Variants in DENND4A observed in about 807,000 individuals in gnomAD.
The protein encoded by DENND4A is C-myc promoter-binding protein.
Under a neutral mutation model 199.3 loss-of-function variants are expected in DENND4A, and 70 were observed. The ratio of observed to expected loss-of-function variants is 0.35; its 90% CI spans 0.29 to 0.43. The LOEUF is 0.43. DENND4A is among the 20% of genes least tolerant of loss of function. The probability of loss-of-function intolerance (pLI) is 1.00; values close to 1 mark genes in which losing one functional copy is unlikely to be tolerated. For missense variants in DENND4A, 1,723 were observed against 2,255.8 expected (o/e 0.76, Z 4.78); for synonymous variants, 686 against 766.9 (o/e 0.89, Z 1.74).
In DENND4A at chr15:65,740,932, A is replaced by G. The variant is rs560111234; in HGVS notation, c.631+783T>C. On this transcript the variant is annotated intron_variant, in intron 5 of 32. Transcript: ENST00000443035. ...AGCTACAATCATACCACTGTACTCCAGCCTGAGCAACCGAATGAGACCCCG... is the reference window on the plus strand; with the variant it reads ...AGCTACAATCATACCACTGTACTCCGGCCTGAGCAACCGAATGAGACCCCG... Among the ~76,000 whole-genome samples, 7 of 152,262 alleles carry G rather than the reference A, an allele frequency of 4.6e-5. No individual in the cohort carries two copies. In the East Asian group the frequency reaches 1.3e-3, roughly 29 times the overall value.
chr15:65,744,304 G>A (rs1265891741), intron 4 of DENND4A, among the ~76,000 whole-genome samples: 1 of 152,122 alleles, frequency 6.6e-6, no homozygotes, highest in Non-Finnish European at 1.5e-5. Flanking sequence ...TGAAGATAAG[G>A]GGTTCAGTTT....
intron 23 of DENND4A, among the ~76,000 whole-genome samples, chr15:65,678,191 G>T (rs940260503): frequency 2.0e-5 from 3 of 152,150 alleles, no homozygotes; most frequent in African/African-American, 7.2e-5. Flanking sequence ...GCCTCCCGAA[G>T]TGTTGGGATT....
intron 1 of DENND4A, among the ~76,000 whole-genome samples, chr15:65,765,083 T>C (rs367886750): frequency 1.4e-4 from 21 of 152,186 alleles, no homozygotes; most frequent in African/African-American, 5.1e-4. Context: ...AAACTTTAAT[T>C]TTATTCCATG....
In DENND4A at chr15:65,706,244, A is replaced by T. The variant is rs2142244886; in HGVS notation, c.1954-20T>A. 1.4e-6 allele frequency: 2 copies of T among 1,472,320 alleles called. No individual in the cohort carries two copies. Among genetic ancestry groups the T allele is most frequent in the East Asian group, 2.7e-5 (1 of 37,480 alleles). 91.2% of individuals were successfully genotyped at this position (1,472,320 alleles called of 1,614,324 possible). On this transcript the variant is annotated intron_variant, in intron 14 of 32. Coordinates refer to ENST00000443035, the MANE Select transcript of DENND4A (RefSeq NM_001320835.1). ...ATCCACCTAAAGGAGTTTTAAAAAC[A>T]TATATTAAAAAAGCCACATTGGTTA... is the stretch of plus-strand genomic sequence containing the variant.
rs2076156122 is a variant in DENND4A at position 65,737,802 on chromosome 15, A to C, written c.945T>G (p.Leu315=). 6.3e-7 allele frequency: 1 copy of C among 1,598,520 alleles called. No individual in the cohort carries two copies. The highest frequency in any genetic ancestry group is 1.7e-5 in the Admixed American group (1 of 57,724). ...CATCAAAAAAAGGCCAGTGAGAAAGAAGACAGATGCATTTGTTAGTATGAA... is the reference window on the plus strand; with the variant it reads ...CATCAAAAAAAGGCCAGTGAGAAAGCAGACAGATGCATTTGTTAGTATGAA... ...KTIHTNKCIC[L]LSHWPFFDAF... is the part of the protein sequence containing the mutation. The change falls in exon 7 of 33, where the codon CTT becomes CTG. Residue 315 remains leucine, a synonymous_variant. Transcript: ENST00000443035.
rs371610511 is a variant in DENND4A, at chr15:65,667,829, G to A, written c.4986+96C>T. 215 of 1,490,682 alleles carry A rather than the reference G, an allele frequency of 1.4e-4. No homozygotes were observed. In the African/African-American group the frequency reaches 2.8e-3, roughly 19 times the overall value. 92.3% of individuals were successfully genotyped at this position (1,490,682 alleles called of 1,614,324 possible). A position where few individuals can be genotyped will look rare whatever the true frequency, so the allele number is the denominator to read the frequency against. On this transcript the variant is annotated intron_variant, in intron 28 of 32. Transcript: ENST00000443035. The stretch of plus-strand genomic sequence containing the variant: ...ATCATGGGATAAGAGACTCTTCTTG[G>A]CAATAATAAAGCTAATAAGACTACT...
At chr15:65,727,375 C>A (rs189315211) in intron 11 of DENND4A, among the ~76,000 whole-genome samples, 67 of 150,970 alleles carry the variant, frequency 4.4e-4, no homozygotes, top group African/African-American at 1.2e-3. Flanking sequence ...ATGGTGTGAA[C>A]CCAGGAGGCG....
intron 11 of DENND4A, among the ~76,000 whole-genome samples, chr15:65,725,403 G>A (rs1029267212): frequency 3.4e-4 from 51 of 152,220 alleles, no homozygotes; most frequent in African/African-American, 1.1e-3. Flanking sequence ...TCGGCTGGGC[G>A]CGGTGGCTCA....
At chr15:65,785,658 A>G (rs890987304) in intron 1 of DENND4A, among the ~76,000 whole-genome samples, 7 of 152,090 alleles carry the variant, frequency 4.6e-5, no homozygotes, top group Non-Finnish European at 1.0e-4. Context: ...CTTCAGATAT[A>G]TATTTAATAA....
At chr15:65,718,209 T>C (rs560396243) in intron 12 of DENND4A, among the ~76,000 whole-genome samples, 2 of 152,148 alleles carry the variant, frequency 1.3e-5, no homozygotes, top group South Asian at 2.1e-4. Context: ...AAGCTACCCG[T>C]TTATCTCACT....
chr15:65,694,705 T>C (rs923706481), intron 22 of DENND4A, among the ~76,000 whole-genome samples: 1 of 152,180 alleles, frequency 6.6e-6, no homozygotes, highest in African/African-American at 2.4e-5. Context: ...CCATGTATGG[T>C]CTTTGGCAGC....
intron 29 of DENND4A, 117 bp downstream of exon 29, chr15:65,667,332 A>C: frequency 7.9e-7 from 1 of 1,269,640 alleles, no homozygotes; most frequent in Middle Eastern, 2.5e-4. Flanking sequence ...ACGTCTCAAA[A>C]AATAAAATAA....
At chr15:65,707,740 G>A (rs1465392985) in intron 14 of DENND4A, among the ~76,000 whole-genome samples, 1 of 150,068 alleles carries the variant, frequency 6.7e-6, no homozygotes, top group Non-Finnish European at 1.5e-5. Flanking sequence ...AGGCTGGAGT[G>A]CATGGTGCAA....
At chr15:65,700,192 G>C (rs1031661753) in intron 20 of DENND4A, among the ~76,000 whole-genome samples, 3 of 151,780 alleles carry the variant, frequency 2.0e-5, no homozygotes, top group African/African-American at 4.8e-5. Context: ...ACAGAGCTAT[G>C]CTTCTTTTTT....
intron 24 of DENND4A, among the ~76,000 whole-genome samples, chr15:65,675,401 A>G (rs2076342944): frequency 1.3e-5 from 2 of 152,182 alleles, no homozygotes; most frequent in African/African-American, 4.8e-5. Context: ...CTCACAATCC[A>G]GAAGCAATAA....
chr15:65,664,036 C>T (rs2075960715), intron 32 of DENND4A, among the ~76,000 whole-genome samples: 1 of 152,162 alleles, frequency 6.6e-6, no homozygotes, highest in Non-Finnish European at 1.5e-5. Flanking sequence ...ATATACCATA[C>T]AATTCACTAA....
chr15:65,769,618 C>T (rs780629921), intron 1 of DENND4A, among the ~76,000 whole-genome samples: 1 of 151,912 alleles, frequency 6.6e-6, no homozygotes, highest in Non-Finnish European at 1.5e-5. Flanking sequence ...ATGAGGTACT[C>T]GTCATTTTAA....
Position 65,717,880 on chromosome 15 carries a change from A to T in DENND4A, c.1705T>A (p.Phe569Ile), listed in dbSNP as rs1200182541. 3.7e-6 allele frequency: 6 copies of T among 1,605,922 alleles called. No individual in the cohort carries two copies. The highest frequency in any genetic ancestry group is 2.7e-5 in the African/African-American group (2 of 74,856). Residue 569 changes from phenylalanine to isoleucine, a missense_variant, in exon 13 of 33, where the codon TTC becomes ATC. Phe to Ile is a conservative substitution (Grantham distance 21, BLOSUM62 0). Around this residue, in one of 6 missense-constraint regions of DENND4A, gnomAD observed 725 missense variants for 952.9 expected, o/e 0.76. Coordinates refer to ENST00000443035, the MANE Select transcript of DENND4A (RefSeq NM_001320835.1). ...DLEIQEAFLF[F>I]MASILKGYRS... ...TAACCTTTTAAAATAGAGGCCATGAAAAACAAAAATGCCTCTTGGATTTCC... is the reference window on the plus strand; with the variant it reads ...TAACCTTTTAAAATAGAGGCCATGATAAACAAAAATGCCTCTTGGATTTCC...
chr15:65,718,349 T>C (rs746350919), intron 12 of DENND4A, among the ~76,000 whole-genome samples: 1 of 152,126 alleles, frequency 6.6e-6, no homozygotes, highest in African/African-American at 2.4e-5. Context: ...ATTCTGTCTT[T>C]ACAAAATTTT....
Sources: allele counts gnomAD v4.1 joint callset (sites outside exome capture counted in the v4.1 genomes callset), GRCh38; gene constraint gnomAD v4.1.1; regional missense constraint gnomAD v4.1.1; transcripts MANE v1.5; gene names NCBI Gene and HGNC (gene_info 2026-07-23, HGNC 2026-07-21).